The following TAF2 variants were observed in gnomAD, a reference collection of about 807,000 sequenced individuals.
TAF2 encodes transcription initiation factor TFIID subunit 2.
TAF2 carries 61 observed loss-of-function variants against 138.5 expected under a neutral mutation model. The observed-to-expected ratio is 0.44, with a 90% CI of 0.36 to 0.54. The LOEUF is 0.54. Among genes scored for constraint, TAF2 ranks in the 20% least tolerant of loss-of-function variants. The pLI is 0.00. For synonymous variants in TAF2, 475 were observed against 469.9 expected (o/e 1.01, Z -0.14); for missense variants, 1,090 against 1,427.9 (o/e 0.76, Z 3.81).
At position 119,801,850 on chromosome 8, in the gene TAF2, T is replaced by C. The variant is rs1441427712; in HGVS notation, c.736A>G (p.Asn246Asp). 1 of 1,614,208 alleles carries C rather than the reference T, an allele frequency of 6.2e-7. No individual in the cohort carries two copies. Among genetic ancestry groups the C allele is most frequent in the Non-Finnish European group, 8.5e-7 (1 of 1,180,038 alleles). The change falls in exon 6 of 26, where the codon AAT becomes GAT. Residue 246 changes from asparagine (N) to aspartate (D), a missense_variant. Coordinates refer to ENST00000378164, the MANE Select transcript of TAF2 (RefSeq NM_003184.4). ...YMLTIPTAASNISLAIGPFEI... is the reference protein window; with the variant it reads ...YMLTIPTAASDISLAIGPFEI... Reference sequence around the variant, plus strand: ...AATGGTCCAATGGCCAAGGAGATATTTGACGCTGCTGTAGGAATGGTAAGC... The same window carrying C: ...AATGGTCCAATGGCCAAGGAGATATCTGACGCTGCTGTAGGAATGGTAAGC...
At chr8:119,819,243 T>C (rs1261926484) in intron 3 of TAF2, 103 bp downstream of exon 3, 8 of 1,227,896 alleles carry the variant, frequency 6.5e-6, no homozygotes, top group African/African-American at 1.5e-5. Flanking sequence ...TCAAAGCCCA[T>C]TAACGATCCA....
At position 119,733,986 on chromosome 8, in the gene TAF2, C is replaced by A. The variant is rs1448218326; in HGVS notation, c.3338-1800G>T. Among the ~76,000 whole-genome samples, 5 of 152,022 alleles carry A rather than the reference C, an allele frequency of 3.3e-5. No individual in the cohort carries two copies. In the South Asian group the frequency reaches 6.2e-4, roughly 19 times the overall value. On this transcript the variant is annotated intron_variant, in intron 25 of 25. Transcript: ENST00000378164. ...TCTCAGAACACCAGGGGTGATTTTGCCCCCAAAGGGTTACTTGGCAATGTT... is the reference window on the plus strand; with the variant it reads ...TCTCAGAACACCAGGGGTGATTTTGACCCCAAAGGGTTACTTGGCAATGTT...
chr8:119,820,245 T>C (rs1825735224), intron 2 of TAF2, among the ~76,000 whole-genome samples: 2 of 152,170 alleles, frequency 1.3e-5, no homozygotes, highest in South Asian at 4.1e-4. Flanking sequence ...TTTAATATCC[T>C]GGGTTGAAAA....
At chr8:119,794,702 AGTGTT>A (rs1823695669) in intron 9 of TAF2, among the ~76,000 whole-genome samples, 1 of 152,296 alleles carries the variant, frequency 6.6e-6, no homozygotes, top group African/African-American at 2.4e-5. Flanking sequence ...AAATATTTTA[AGTGTT>A]GTGTTACTTT....
intron 14 of TAF2, among the ~76,000 whole-genome samples, chr8:119,786,753 C>G (rs927111264): frequency 6.6e-6 from 1 of 152,106 alleles, no homozygotes; most frequent in African/African-American, 2.4e-5. Context: ...GAAACCCTGT[C>G]TCTACTAAAA....
rs912489827 is a variant in TAF2 at position 119,765,062 on chromosome 8, T to C, written c.2365-2454A>G. 2.3e-4 allele frequency among the ~76,000 whole-genome samples: 35 copies of C among 152,172 alleles called. 1 individual carries two copies. Among genetic ancestry groups the C allele is most frequent in the African/African-American group, 7.7e-4 (32 of 41,456 alleles). ...AAATTTAAATCTAATTTATCTCCAC[T>C]GTTGTGTTTTTGCTATTATACAATG... On this transcript the variant is annotated intron_variant, in intron 18 of 25. Transcript: ENST00000378164.
At chr8:119,790,450 C>A in intron 11 of TAF2, among the ~76,000 whole-genome samples, 1 of 151,342 alleles carries the variant, frequency 6.6e-6, no homozygotes, top group Non-Finnish European at 1.5e-5. Flanking sequence ...AAAAACAAAA[C>A]AAACCAAAAA....
Position 119,785,282 on chromosome 8 carries a change from A to C in TAF2, c.1794-16T>G. On this transcript the variant is annotated splice_polypyrimidine_tract_variant and intron_variant, in intron 14 of 25. Coordinates refer to ENST00000378164, the MANE Select transcript of TAF2 (RefSeq NM_003184.4). ...CTTTTTATTCCTACATTTAAGAAAA[A>C]GTAGGTTGGAAAATTGTGAGATTTC... 6.3e-7 allele frequency: 1 copy of C among 1,583,836 alleles called. No homozygotes were observed. The highest frequency in any genetic ancestry group is 1.1e-5 in the South Asian group (1 of 90,274).
At chr8:119,828,308 C>T (rs1378154535) in intron 2 of TAF2, among the ~76,000 whole-genome samples, 3 of 152,170 alleles carry the variant, frequency 2.0e-5, no homozygotes, top group Non-Finnish European at 4.4e-5. Context: ...GTTGAGGCTG[C>T]CCCTTGACCA....
At chr8:119,756,218 C>T in intron 21 of TAF2, 103 bp from the exon 22 acceptor site, 1 of 758,262 alleles carries the variant, frequency 1.3e-6, no homozygotes, top group Non-Finnish European at 2.3e-6. Context: ...GTTCCTCCTT[C>T]CTATTTTAAC....
intron 22 of TAF2, among the ~76,000 whole-genome samples, chr8:119,753,873 A>G (rs940372719): frequency 1.3e-5 from 2 of 152,196 alleles, no homozygotes; most frequent in Non-Finnish European, 1.5e-5. Flanking sequence ...TCAATACAGC[A>G]GAGTGAGTGC....
chr8:119,742,558 A>G lies in TAF2; in HGVS notation c.3313T>C (p.Leu1105=), dbSNP rs762883368. The G allele has an allele frequency of 1.6e-5, 26 of 1,613,866 alleles. No individual in the cohort carries two copies. The East Asian group carries it at 5.1e-4, about 32-fold the overall frequency. The part of the protein sequence containing the change: ...STPTTKPQWS[L]ELARKGTGKE... ...CCTGTTCCCTTCCGTGCAAGTTCCAAACTCCACTGGGGTTTTGTGGTGGGT... is the reference window on the plus strand; with the variant it reads ...CCTGTTCCCTTCCGTGCAAGTTCCAGACTCCACTGGGGTTTTGTGGTGGGT... The change falls in exon 25 of 26, where the codon TTG becomes CTG. Residue 1105 remains leucine (L), a synonymous_variant. Coordinates refer to ENST00000378164, the MANE Select transcript of TAF2 (RefSeq NM_003184.4).
At chr8:119,775,087 T>C (rs1336320807) in intron 18 of TAF2, among the ~76,000 whole-genome samples, 1 of 151,880 alleles carries the variant, frequency 6.6e-6, no homozygotes, top group Non-Finnish European at 1.5e-5. Flanking sequence ...GAGACCATCC[T>C]GCCCAACATG....
At chr8:119,779,466 TG>T (rs1447779331) in intron 17 of TAF2, among the ~76,000 whole-genome samples, 1 of 152,154 alleles carries the variant, frequency 6.6e-6, no homozygotes, top group African/African-American at 2.4e-5. Flanking sequence ...GAAAGCACAG[TG>T]GCATCATGAG....
intron 25 of TAF2, among the ~76,000 whole-genome samples, chr8:119,741,309 A>C (rs527408698): frequency 8.5e-5 from 13 of 152,280 alleles, no homozygotes; most frequent in Middle Eastern, 3.4e-3. Flanking sequence ...TTTTTTTTAA[A>C]GGTAAGCAGA....
chr8:119,760,765 T>C (rs756270088), intron 19 of TAF2, 27 bp from the exon 20 acceptor site: 1 of 1,613,308 alleles, frequency 6.2e-7, no homozygotes, highest in Non-Finnish European at 8.5e-7. Flanking sequence ...GTATGTTAAC[T>C]ACTTTCACTG....
chr8:119,746,327 T>TGAGTCATTG (rs1168611430), intron 23 of TAF2, among the ~76,000 whole-genome samples: 1 of 128,314 alleles, frequency 7.8e-6, no homozygotes, highest in Non-Finnish European at 1.5e-5. Context: ...GAGCTGAGAG[T>TGAGTCATTG]GAGTCATTGC....
chr8:119,753,472 A>G (rs1294124614), intron 22 of TAF2, among the ~76,000 whole-genome samples: 1 of 152,104 alleles, frequency 6.6e-6, no homozygotes, highest in African/African-American at 2.4e-5. Context: ...AACCCTCCCA[A>G]TTATTCATGC....
Position 119,831,643 on chromosome 8 carries a change from T to A in TAF2, c.138+34A>T, listed in dbSNP as rs971500554. 3.3e-6 allele frequency: 5 copies of A among 1,510,622 alleles called. No individual in the cohort carries two copies. In the African/African-American group the frequency reaches 6.8e-5, roughly 21 times the overall value. The allele number at this position is 1,510,622 out of a possible 1,614,324, so 93.6% of individuals were successfully genotyped here. On this transcript the variant is annotated intron_variant, in intron 2 of 25. Transcript: ENST00000378164. ...GGATTGTTACTCTTTATAGTGGACT[T>A]GTTACTATTTATAATTGTTGAGAAT...
Sources: allele counts gnomAD v4.1 joint callset (sites outside exome capture counted in the v4.1 genomes callset), GRCh38; gene constraint gnomAD v4.1.1; transcripts MANE v1.5; gene names NCBI Gene and HGNC (gene_info 2026-07-23, HGNC 2026-07-21).